The following KLHL13 variants were observed in gnomAD, a reference collection of about 807,000 sequenced individuals.
KLHL13 encodes kelch-like protein 13.
KLHL13 carries 10 observed loss-of-function variants against 37.1 expected under a neutral mutation model. The observed-to-expected ratio is 0.27, with a 90% CI of 0.17 to 0.46. KLHL13 has a LOEUF of 0.46. Among genes scored for constraint, KLHL13 ranks in the 20% least tolerant of loss-of-function variants. The probability of loss-of-function intolerance (pLI) is 1.00; values close to 1 mark genes in which losing one functional copy is unlikely to be tolerated. For missense variants in KLHL13, 360 were observed against 509.3 expected, an observed-to-expected ratio of 0.71 and a Z score of 2.82; for synonymous variants, 163 against 181.2, an observed-to-expected ratio of 0.90 and a Z score of 0.81.
At position 118,095,235 on chromosome X, in the gene KLHL13, G is replaced by A. The variant is rs762564002; in HGVS notation, c.-56+21273C>T. 2.8e-3 allele frequency among the ~76,000 whole-genome samples: 307 copies of A among 110,334 alleles called. 4 individuals are homozygous for A. Among genetic ancestry groups the A allele is most frequent in the African/African-American group, 9.5e-3 (289 of 30,303 alleles). On this transcript the variant is annotated intron_variant, in intron 1 of 6. Transcript: ENST00000371882. ...TGGAAAACAAAAAAAGGCAGGGGTTGCAATCCTAGTCTCTGATAAAACAGA... is the reference window on the plus strand; with the variant it reads ...TGGAAAACAAAAAAAGGCAGGGGTTACAATCCTAGTCTCTGATAAAACAGA...
At chrX:118,065,674 C>A (rs1481787757) in intron 1 of KLHL13, among the ~76,000 whole-genome samples, 1 of 111,540 alleles carries the variant, frequency 9.0e-6, no homozygotes, top group East Asian at 2.8e-4. Context: ...ATACAAGAAG[C>A]AAGAATAGCT....
chrX:118,089,331 T>C (rs1302567600), intron 1 of KLHL13, among the ~76,000 whole-genome samples: 1 of 109,790 alleles, frequency 9.1e-6, no homozygotes, highest in Non-Finnish European at 1.9e-5. Context: ...AAGGCACTCT[T>C]AGCCCTCTCA....
intron 2 of KLHL13, among the ~76,000 whole-genome samples, chrX:117,921,400 C>T (rs1300955411): frequency 9.0e-6 from 1 of 110,997 alleles, no homozygotes; most frequent in African/African-American, 3.3e-5. Context: ...TTAAGAATAA[C>T]GAATTTAAAA....
chrX:118,017,595 G>A (rs1485398023), intron 1 of KLHL13, among the ~76,000 whole-genome samples: 1 of 110,891 alleles, frequency 9.0e-6, no homozygotes, highest in East Asian at 2.8e-4. Flanking sequence ...CATAAAGCCT[G>A]TCCTGACCCT....
At chrX:118,096,714 A>G (rs1210315101) in intron 1 of KLHL13, among the ~76,000 whole-genome samples, 1 of 111,675 alleles carries the variant, frequency 9.0e-6, no homozygotes, top group African/African-American at 3.3e-5. Flanking sequence ...GCAACACATC[A>G]AAAAGCTTAT....
At chrX:118,093,211 G>C (rs975512969) in intron 1 of KLHL13, among the ~76,000 whole-genome samples, 1 of 111,405 alleles carries the variant, frequency 9.0e-6, no homozygotes, top group Non-Finnish European at 1.9e-5. Flanking sequence ...AAATAAAATG[G>C]CTAGAAAGAT....
chrX:118,020,899 C>T (rs770780849), intron 1 of KLHL13, among the ~76,000 whole-genome samples: 1 of 102,693 alleles, frequency 9.7e-6, no homozygotes, highest in East Asian at 3.2e-4. Flanking sequence ...GGACAGAAAA[C>T]CAAACACCGC....
At chrX:118,032,181 C>A (rs1379225447) in intron 1 of KLHL13, among the ~76,000 whole-genome samples, 2 of 111,284 alleles carry the variant, frequency 1.8e-5, no homozygotes, top group Non-Finnish European at 3.8e-5. Context: ...CCCACCATTG[C>A]CCAGGCTTGC....
intron 1 of KLHL13, among the ~76,000 whole-genome samples, chrX:118,104,578 T>TA: frequency 8.9e-6 from 1 of 112,035 alleles, no homozygotes. Flanking sequence ...GATCAATACA[T>TA]ACTGCCTTGA....
chrX:118,081,194 T>C (rs932011932), intron 1 of KLHL13, among the ~76,000 whole-genome samples: 4 of 111,799 alleles, frequency 3.6e-5, no homozygotes, highest in Non-Finnish European at 7.5e-5. Flanking sequence ...TATACCCATG[T>C]AACAAACCTG....
At chrX:118,083,136 T>C (rs766472343) in intron 1 of KLHL13, among the ~76,000 whole-genome samples, 65 of 111,902 alleles carry the variant, frequency 5.8e-4, no homozygotes, top group Non-Finnish European at 9.6e-4. Flanking sequence ...TTTGGTAGGA[T>C]TGCATTGACT....
At chrX:117,983,038 T>G (rs2053681004) in intron 1 of KLHL13, among the ~76,000 whole-genome samples, 1 of 111,750 alleles carries the variant, frequency 8.9e-6, no homozygotes, top group South Asian at 3.7e-4. Flanking sequence ...CAAATTATCT[T>G]GATTGTGTAA....
chrX:117,960,185 G>A (rs768441006), intron 1 of KLHL13, among the ~76,000 whole-genome samples: 7 of 110,158 alleles, frequency 6.4e-5, no homozygotes, highest in Non-Finnish European at 1.1e-4. Context: ...AGGAGTTCAC[G>A]ACCAGTCTTG....
chrX:117,953,733 A>G (rs769985286), intron 1 of KLHL13, among the ~76,000 whole-genome samples: 5 of 111,231 alleles, frequency 4.5e-5, no homozygotes, highest in Non-Finnish European at 7.5e-5. Flanking sequence ...AGTAGAGGCT[A>G]TAAGTCACTT....
At chrX:118,057,719 G>A (rs1472920256) in intron 1 of KLHL13, among the ~76,000 whole-genome samples, 2 of 110,387 alleles carry the variant, frequency 1.8e-5, no homozygotes, top group African/African-American at 3.3e-5. Context: ...CCAGCCACTC[G>A]GGAGGCTGAG....
chrX:117,972,758 C>G (rs916661939), exon 1 of KLHL13: 3 of 1,209,928 alleles, frequency 2.5e-6, no homozygotes, highest in Non-Finnish European at 3.4e-6. Context: ...TGGAGTTGAC[C>G]TGGATGTTTT....
chrX:117,973,501 T>C, exon 1 of KLHL13: 1 of 914,883 alleles, frequency 1.1e-6, no homozygotes, highest in Non-Finnish European at 1.4e-6. Flanking sequence ...AAAGCCCGTT[T>C]CAAAAATTCC....
intron 2 of KLHL13, among the ~76,000 whole-genome samples, chrX:117,924,345 AAG>A (rs1327353567): frequency 8.9e-6 from 1 of 112,090 alleles, no homozygotes; most frequent in East Asian, 2.8e-4. Flanking sequence ...TTAAAAGAAA[AAG>A]AGAGAGGTTC....
chrX:117,990,570 G>A (rs1430300937), intron 1 of KLHL13, among the ~76,000 whole-genome samples: 1 of 111,565 alleles, frequency 9.0e-6, no homozygotes, highest in African/African-American at 3.3e-5. Context: ...AAGTCATGAC[G>A]AAAGAGTAAA....
Sources: allele counts gnomAD v4.1 joint callset (sites outside exome capture counted in the v4.1 genomes callset), GRCh38; gene constraint gnomAD v4.1.1; transcripts MANE v1.5; gene names NCBI Gene and HGNC (gene_info 2026-07-23, HGNC 2026-07-21).